The following CFAP20DC variants were observed in gnomAD, a reference collection of about 807,000 sequenced individuals.
CFAP20DC encodes the protein CFAP20 domain containing, also known as protein CFAP20DC.
CFAP20DC carries 84 observed loss-of-function variants against 101.7 expected under a neutral mutation model. The observed-to-expected ratio is 0.83, with a 90% CI of 0.69 to 0.99. The LOEUF (loss-of-function observed/expected upper bound fraction) is 0.99, where lower values mean the gene tolerates loss of function less well. Among genes scored for constraint, CFAP20DC ranks in the 50% least tolerant of loss-of-function variants. The probability of loss-of-function intolerance (pLI) is 0.00; values close to 1 mark genes in which losing one functional copy is unlikely to be tolerated. For synonymous variants in CFAP20DC, 359 were observed against 351.2 expected (o/e 1.02, Z -0.25); for missense variants, 1,007 against 970.3 (o/e 1.04, Z -0.50).
At chr3:58,856,265 GACACACAC>G (rs536277954) in intron 12 of CFAP20DC, among the ~76,000 whole-genome samples, 2,049 of 124,110 alleles carry the variant, frequency 0.017, 55 homozygotes, top group African/African-American at 0.053. Flanking sequence ...TTCATCTTCT[GACACACAC>G]ACACACACAC....
intron 4 of CFAP20DC, among the ~76,000 whole-genome samples, chr3:59,010,829 C>T (rs993508321): frequency 1.3e-5 from 2 of 152,170 alleles, no homozygotes; most frequent in African/African-American, 4.8e-5. Context: ...AGTCTCAATA[C>T]ATTTAAGAAA....
intron 7 of CFAP20DC, among the ~76,000 whole-genome samples, chr3:58,881,494 G>A (rs1029861522): frequency 2.6e-5 from 4 of 152,162 alleles, no homozygotes; most frequent in Admixed American, 1.3e-4. Context: ...GTGAATGTGT[G>A]GTTTTTGGAA....
intron 15 of CFAP20DC, among the ~76,000 whole-genome samples, chr3:58,775,745 CTTTTT>C (rs745494338): frequency 7.5e-6 from 1 of 133,720 alleles, no homozygotes; most frequent in Admixed American, 7.5e-5. Flanking sequence ...CCTTTTCTGT[CTTTTT>C]TTTTTTTTTT....
In CFAP20DC at chr3:58,753,841, G is replaced by T; in HGVS notation, c.2260C>A (p.Pro754Thr). 1 of 1,612,026 alleles carries T rather than the reference G, an allele frequency of 6.2e-7. No individual in the cohort carries two copies. Among genetic ancestry groups the T allele is most frequent in the Non-Finnish European group, 8.5e-7 (1 of 1,178,852 alleles). Residue 754 changes from proline to threonine, a missense_variant, in exon 16 of 17, where the codon CCA (proline) becomes ACA (threonine). Pro to Thr is a conservative substitution (Grantham distance 38). Coordinates refer to ENST00000482387, the MANE Select transcript of CFAP20DC (RefSeq NM_001394063.1). ...NPRDWLNMLS[P>T]PIVPPSQQPA... ...TGTTGACTGGGAGGAACGATTGGTG[G>T]GCTCAACATATTTAACCAGTCCCTA...
intron 15 of CFAP20DC, among the ~76,000 whole-genome samples, chr3:58,801,050 T>TCAGAGAGAGA (rs1372610684): frequency 3.0e-5 from 4 of 131,754 alleles, no homozygotes; most frequent in African/African-American, 1.3e-4. Flanking sequence ...GGGGAGTAAG[T>TCAGAGAGAGA]GAGAGAGAGA....
chr3:58,759,949 A>G (rs992558969), intron 15 of CFAP20DC, among the ~76,000 whole-genome samples: 10 of 152,136 alleles, frequency 6.6e-5, no homozygotes, highest in African/African-American at 2.4e-4. Context: ...CTTGTAGTAT[A>G]GTTTGAAGTC....
Position 58,971,113 on chromosome 3 carries a change from A to G in CFAP20DC, c.279-33351T>C, listed in dbSNP as rs376633732. Among the ~76,000 whole-genome samples the G allele has an allele frequency of 5.3e-5, 8 of 152,310 alleles. No individual in the cohort carries two copies. Among genetic ancestry groups the G allele is most frequent in the East Asian group, 3.9e-4 (2 of 5,188 alleles). ...AAGCACTGTAACCTTTTGTTAATAC[A>G]CAGATGTAGGACATTGCTTGTTCCA... On this transcript the variant is annotated intron_variant, in intron 4 of 16. Transcript: ENST00000482387. The surrounding 1 kb of genome is among the most constrained non-coding windows in gnomAD (Gnocchi z 4.1).
intron 4 of CFAP20DC, among the ~76,000 whole-genome samples, chr3:58,985,526 C>T (rs934413905): frequency 3.3e-5 from 5 of 152,216 alleles, no homozygotes; most frequent in South Asian, 2.1e-4. Flanking sequence ...AAAATCGGTG[C>T]CTATTTCTTC....
intron 7 of CFAP20DC, among the ~76,000 whole-genome samples, chr3:58,871,614 C>A (rs1353410424): frequency 6.6e-6 from 1 of 151,708 alleles, no homozygotes; most frequent in Non-Finnish European, 1.5e-5. Flanking sequence ...CTGCAACCGC[C>A]GCCTCCTGGG....
At chr3:58,783,088 C>G (rs2071989633) in intron 15 of CFAP20DC, among the ~76,000 whole-genome samples, 1 of 151,904 alleles carries the variant, frequency 6.6e-6, no homozygotes, top group Non-Finnish European at 1.5e-5. Context: ...GACATATAGA[C>G]CAATGGAACA....
rs889404513 is a variant in CFAP20DC at position 59,006,269 on chromosome 3, C to T, written c.278+33288G>A. On this transcript the variant is annotated intron_variant, in intron 4 of 16. Transcript: ENST00000482387. The surrounding 1 kb of genome is among the most constrained non-coding windows in gnomAD (Gnocchi z 4.3). ...CTATAAAATCATGACGTTAAAAAGC[C>T]ATCAGAAGGAGATGGGAGGAAGATG... 6.6e-5 allele frequency among the ~76,000 whole-genome samples: 10 copies of T among 152,232 alleles called. No individual in the cohort carries two copies. Among genetic ancestry groups the T allele is most frequent in the South Asian group, 6.2e-4 (3 of 4,816 alleles).
chr3:58,963,779 C>T (rs571428913), intron 4 of CFAP20DC, among the ~76,000 whole-genome samples: 4 of 152,180 alleles, frequency 2.6e-5, no homozygotes, highest in Admixed American at 6.5e-5. Flanking sequence ...AAATCCTAAG[C>T]CCCAGAACTG....
chr3:58,807,026 G>A (rs1395943577), intron 14 of CFAP20DC, among the ~76,000 whole-genome samples: 16 of 152,146 alleles, frequency 1.1e-4, no homozygotes, highest in Non-Finnish European at 1.8e-4. Context: ...AGGGGTGCCC[G>A]CCATTGCCCA....
chr3:59,048,990 G>A (rs1700099548), intron 1 of CFAP20DC, among the ~76,000 whole-genome samples: 1 of 152,128 alleles, frequency 6.6e-6, no homozygotes, highest in African/African-American at 2.4e-5. Flanking sequence ...TCACTTGGGG[G>A]AACTAGTTAA....
At chr3:58,851,734 T>A (rs761864667) in intron 12 of CFAP20DC, among the ~76,000 whole-genome samples, 10 of 152,028 alleles carry the variant, frequency 6.6e-5, no homozygotes. Context: ...TCTTTTTTTA[T>A]ATTACTAACT....
chr3:59,039,121 T>C lies in CFAP20DC; in HGVS notation c.278+436A>G, dbSNP rs1042857253. Among the ~76,000 whole-genome samples the C allele has an allele frequency of 3.3e-5, 5 of 152,214 alleles. No homozygotes were observed. In the South Asian group the frequency reaches 1.0e-3, roughly 32 times the overall value. On this transcript the variant is annotated intron_variant, in intron 4 of 16. Coordinates refer to ENST00000482387, the MANE Select transcript of CFAP20DC (RefSeq NM_001394063.1). ...AAAACAAATATATTGCTAGCTGCTATATGTAAATAGGAAGGAGTAATACTT... is the reference window on the plus strand; with the variant it reads ...AAAACAAATATATTGCTAGCTGCTACATGTAAATAGGAAGGAGTAATACTT...
At chr3:58,930,524 G>GGA (rs2086494694) in intron 5 of CFAP20DC, among the ~76,000 whole-genome samples, 1 of 152,200 alleles carries the variant, frequency 6.6e-6, no homozygotes, top group South Asian at 2.1e-4. Context: ...GAATAAAAAT[G>GGA]TCCCTTTGTC....
chr3:58,814,555 G>T (rs1205118034), intron 14 of CFAP20DC, among the ~76,000 whole-genome samples: 11 of 151,244 alleles, frequency 7.3e-5, no homozygotes, highest in Admixed American at 5.3e-4. Flanking sequence ...TAGGAAAAGA[G>T]GAAGTCAAAT....
In CFAP20DC at chr3:58,869,941, T is replaced by C. The variant is rs535932529; in HGVS notation, c.852+232A>G. 1.3e-4 allele frequency among the ~76,000 whole-genome samples: 20 copies of C among 152,362 alleles called. No homozygotes were observed. Among genetic ancestry groups the C allele is most frequent in the South Asian group, 1.0e-3 (5 of 4,832 alleles). On this transcript the variant is annotated intron_variant, in intron 8 of 16. Transcript: ENST00000482387. The surrounding 1 kb of genome is among the most constrained non-coding windows in gnomAD (Gnocchi z 4.3). ...TTGTGAACATATTTAATGAAAAGAA[T>C]ACTCGAAAATGTTAATTATGTTGAT...
Sources: allele counts gnomAD v4.1 joint callset (sites outside exome capture counted in the v4.1 genomes callset), GRCh38; gene constraint gnomAD v4.1.1; non-coding constraint Gnocchi (gnomAD v3.1); transcripts MANE v1.5; gene names NCBI Gene and HGNC (gene_info 2026-07-23, HGNC 2026-07-21).